Variants in RBM20 observed in about 807,000 individuals in gnomAD.
The protein encoded by RBM20 is RNA-binding protein 20.
In RBM20, 51 loss-of-function variants were observed where a neutral mutation model predicts 110.1. The observed-to-expected ratio is 0.46, with a 90% CI of 0.37 to 0.59. The LOEUF (loss-of-function observed/expected upper bound fraction) is 0.59, where lower values mean the gene tolerates loss of function less well. Among genes scored for constraint, RBM20 ranks in the 20% least tolerant of loss-of-function variants. RBM20 has a pLI of 0.00. For synonymous variants in RBM20, 589 were observed against 618.2 expected (o/e 0.95, Z 0.70); for missense variants, 1,512 against 1,574.9 (o/e 0.96, Z 0.68).
At chr10:110,796,991 A>G (rs12415273) in intron 5 of RBM20, among the ~76,000 whole-genome samples, 26,792 of 152,192 alleles carry the variant, frequency 0.18, 2,871 homozygotes, top group East Asian at 0.54. Context: ...GTGGAATGGC[A>G]GGATCATGGG....
intron 1 of RBM20, among the ~76,000 whole-genome samples, chr10:110,671,437 A>C (rs1189155581): frequency 6.6e-6 from 1 of 152,232 alleles, no homozygotes; most frequent in Non-Finnish European, 1.5e-5. Flanking sequence ...TTGGTCTCAC[A>C]ATAACTAAGC....
At chr10:110,798,238 G>A (rs1030717270) in intron 6 of RBM20, among the ~76,000 whole-genome samples, 12 of 152,184 alleles carry the variant, frequency 7.9e-5, no homozygotes, top group Non-Finnish European at 1.8e-4. Context: ...TCTAAAGTCA[G>A]GTGGGGAGTT....
At chr10:110,721,490 G>GA (rs529859556) in intron 1 of RBM20, among the ~76,000 whole-genome samples, 166 of 152,276 alleles carry the variant, frequency 1.1e-3, no homozygotes, top group Non-Finnish European at 2.1e-3. Context: ...GGAGGGACGG[G>GA]ACTGGTGAGT....
chr10:110,733,837 C>T (rs573880869), intron 1 of RBM20, among the ~76,000 whole-genome samples: 20 of 152,214 alleles, frequency 1.3e-4, no homozygotes, highest in Non-Finnish European at 2.5e-4. Flanking sequence ...GTTTTATCCC[C>T]AGCAATTCGG....
chr10:110,790,248 G>T (rs891530303), intron 5 of RBM20, among the ~76,000 whole-genome samples: 1 of 152,142 alleles, frequency 6.6e-6, no homozygotes, highest in Admixed American at 6.6e-5. Flanking sequence ...GAGCGCTCTG[G>T]TCTCCTGACT....
At chr10:110,819,449 G>C (rs1427402041) in intron 9 of RBM20, among the ~76,000 whole-genome samples, 4 of 152,224 alleles carry the variant, frequency 2.6e-5, no homozygotes, top group African/African-American at 9.6e-5. Context: ...TTGGGTAGAG[G>C]CCCTAATTCT....
At chr10:110,767,058 G>A (rs1239433443) in intron 1 of RBM20, among the ~76,000 whole-genome samples, 12 of 135,116 alleles carry the variant, frequency 8.9e-5, no homozygotes, top group Admixed American at 7.0e-4. Flanking sequence ...CCTCCCGGAC[G>A]GGGCGGCTGG....
chr10:110,777,555 G>A (rs1844282050), intron 1 of RBM20, among the ~76,000 whole-genome samples: 1 of 152,144 alleles, frequency 6.6e-6, no homozygotes, highest in Admixed American at 6.5e-5. Flanking sequence ...CCTAGTCAAA[G>A]CAAAAATTAA....
intron 5 of RBM20, among the ~76,000 whole-genome samples, chr10:110,786,863 T>C (rs1844425457): frequency 6.6e-6 from 1 of 152,148 alleles, no homozygotes; most frequent in Admixed American, 6.5e-5. Flanking sequence ...GGCTTGTAAA[T>C]TGACTCCAAC....
chr10:110,724,860 T>C (rs913939388), intron 1 of RBM20, among the ~76,000 whole-genome samples: 23 of 152,202 alleles, frequency 1.5e-4, no homozygotes, highest in Non-Finnish European at 7.3e-5. Context: ...ACCTTGATCC[T>C]GGTCTGCCTG....
intron 1 of RBM20, among the ~76,000 whole-genome samples, chr10:110,758,014 C>CTTTTTTTTTTTTTTTTTTTTTT (rs760246427): frequency 3.8e-5 from 3 of 79,906 alleles, no homozygotes; most frequent in African/African-American, 1.6e-4. Context: ...GATCCTTGTT[C>CTTTTTTTTTTTTTTTTTTTTTT]TTTTTTTTTT....
chr10:110,734,387 A>G (rs1843649101), intron 1 of RBM20, among the ~76,000 whole-genome samples: 1 of 152,212 alleles, frequency 6.6e-6, no homozygotes, highest in South Asian at 2.1e-4. Flanking sequence ...GGCTCTGGGC[A>G]CTCATACACA....
At chr10:110,771,589 TAGAAG>T (rs1417843157) in intron 1 of RBM20, among the ~76,000 whole-genome samples, 1 of 152,078 alleles carries the variant, frequency 6.6e-6, no homozygotes, top group Non-Finnish European at 1.5e-5. Flanking sequence ...GTGGTGGAGT[TAGAAG>T]AGAGTACAGT....
At chr10:110,659,472 T>C (rs912281869) in intron 1 of RBM20, among the ~76,000 whole-genome samples, 3 of 152,174 alleles carry the variant, frequency 2.0e-5, no homozygotes, top group Non-Finnish European at 2.9e-5. Flanking sequence ...TGTGTCCTCA[T>C]GTAAGCCAGC....
intron 1 of RBM20, among the ~76,000 whole-genome samples, chr10:110,664,415 A>G (rs1237856490): frequency 6.6e-6 from 1 of 152,216 alleles, no homozygotes; most frequent in Non-Finnish European, 1.5e-5. Flanking sequence ...ACATACATCA[A>G]ATATATTAAC....
chr10:110,695,049 C>G (rs182391403), intron 1 of RBM20, among the ~76,000 whole-genome samples: 1 of 152,102 alleles, frequency 6.6e-6, no homozygotes, highest in African/African-American at 2.4e-5. Context: ...CAGATATTGT[C>G]ACTTCAAAGG....
intron 1 of RBM20, among the ~76,000 whole-genome samples, chr10:110,764,602 TTC>T (rs1234965912): frequency 6.6e-6 from 1 of 152,254 alleles, no homozygotes; most frequent in Non-Finnish European, 1.5e-5. Context: ...GCACTGCTCT[TTC>T]TCTTTCGCTC....
At chr10:110,737,175 C>T (rs1843679272) in intron 1 of RBM20, among the ~76,000 whole-genome samples, 1 of 18,400 alleles carries the variant, frequency 5.4e-5, no homozygotes, top group South Asian at 8.9e-4. Context: ...GAAACTCTGC[C>T]TCAAAAAAAA....
chr10:110,799,711 G>A (rs1031523750), intron 6 of RBM20, 76 bp from the exon 7 acceptor site: 65 of 1,419,806 alleles, frequency 4.6e-5, no homozygotes, highest in Non-Finnish European at 4.9e-5. Flanking sequence ...CATAGACGTG[G>A]AATCATGCCT....
Sources: allele counts gnomAD v4.1 joint callset (sites outside exome capture counted in the v4.1 genomes callset), GRCh38; gene constraint gnomAD v4.1.1; transcripts MANE v1.5; gene names NCBI Gene and HGNC (gene_info 2026-07-23, HGNC 2026-07-21).